PPARA: variants seen among roughly 807,000 people sequenced by gnomAD.
PPARA encodes peroxisome proliferator activated receptor alpha.
A neutral mutation model predicts 42.2 loss-of-function variants in PPARA; 22 were observed. The ratio of observed to expected loss-of-function variants is 0.52; its 90% CI spans 0.37 to 0.74. The LOEUF (loss-of-function observed/expected upper bound fraction) is 0.74. Ranked by LOEUF, PPARA falls within the 30% of genes least tolerant of loss-of-function variation. PPARA has a pLI of 0.00. For missense variants in PPARA, 465 were observed against 608.2 expected, an observed-to-expected ratio of 0.76 and a Z score of 2.48; for synonymous variants, 242 against 239.3, an observed-to-expected ratio of 1.01 and a Z score of -0.10.
rs749486055 is a variant in PPARA at position 46,230,799 on chromosome 22, CTT to C, written c.712-992_712-991del. 1.2e-3 allele frequency among the ~76,000 whole-genome samples: 178 copies of C among 152,286 alleles called. 1 individual carries two copies. The highest frequency in any genetic ancestry group is 2.2e-3 in the Non-Finnish European group (148 of 68,022). On this transcript the variant is annotated intron_variant, in intron 7 of 8. Transcript: ENST00000407236. The surrounding 1 kb of genome is among the most constrained non-coding windows in gnomAD (Gnocchi z 5.0). ...TTTATCCCTAAAGAGTTTCACAACG[CTT>C]GTTTGCCGATTTCTACATAGATGCC...
At position 46,160,064 on chromosome 22, in the gene PPARA, G is replaced by A. The variant is rs533484776; in HGVS notation, c.-127+8094G>A. Reference sequence around the variant, plus strand: ...AGCCTGAAAACCACAGTCTTGAACCGCCAGCGAAGGGCTGGGAAGTGCGGA... The same window carrying A: ...AGCCTGAAAACCACAGTCTTGAACCACCAGCGAAGGGCTGGGAAGTGCGGA... On this transcript the variant is annotated intron_variant, in intron 2 of 8. Coordinates refer to ENST00000407236, the MANE Select transcript of PPARA (RefSeq NM_005036.6). The surrounding 1 kb of genome is among the most constrained non-coding windows in gnomAD (Gnocchi z 4.5). 4.6e-5 allele frequency among the ~76,000 whole-genome samples: 7 copies of A among 152,306 alleles called. No homozygotes were observed. The highest frequency in any genetic ancestry group is 7.2e-5 in the African/African-American group (3 of 41,578).
At position 46,150,896 on chromosome 22, in the gene PPARA, G is replaced by A. The variant is rs964365539; in HGVS notation, c.-210+244G>A. 1 of 152,006 alleles carries A rather than the reference G, an allele frequency of 6.6e-6. No homozygotes were observed. The highest frequency in any genetic ancestry group is 2.4e-5 in the African/African-American group (1 of 41,402). The allele number at this position is 152,006 out of a possible 1,614,324, so 9.4% of individuals were successfully genotyped here. On this transcript the variant is annotated intron_variant, in intron 1 of 8. Transcript: ENST00000407236. This position sits in a 1 kb window ranked among gnomAD's most constrained non-coding sequence, Gnocchi z 7.5. ...CGAGGACTCTTGCGAGGGATCTCGG[G>A]GCCCAGCTCGGCCTCCCTCCTAGCG...
intron 2 of PPARA, among the ~76,000 whole-genome samples, chr22:46,159,411 GT>G (rs1252982475): frequency 2.6e-5 from 4 of 152,028 alleles, no homozygotes; most frequent in African/African-American, 4.8e-5. Flanking sequence ...TACGATTGTC[GT>G]TTTTTTCCCC....
In PPARA at chr22:46,211,813, G is replaced by A. The variant is rs1933961343; in HGVS notation, c.209-3360G>A. On this transcript the variant is annotated intron_variant, in intron 4 of 8. Coordinates refer to ENST00000407236, the MANE Select transcript of PPARA (RefSeq NM_005036.6). The surrounding 1 kb of genome is among the most constrained non-coding windows in gnomAD (Gnocchi z 4.1). ...CCATTCTGCTGCCTCAGCTTCCCGAGTAGCTGGGACTACAGGCACGCACCA... is the reference window on the plus strand; with the variant it reads ...CCATTCTGCTGCCTCAGCTTCCCGAATAGCTGGGACTACAGGCACGCACCA... Among the ~76,000 whole-genome samples the A allele has an allele frequency of 6.6e-6, 1 of 151,766 alleles. No individual in the cohort carries two copies. The highest frequency in any genetic ancestry group is 1.5e-5 in the Non-Finnish European group (1 of 67,982).
At position 46,190,361 on chromosome 22, in the gene PPARA, T is replaced by G. The variant is rs75183251; in HGVS notation, c.-42-7981T>G. Among the ~76,000 whole-genome samples the G allele has an allele frequency of 2.1e-3, 316 of 152,302 alleles. 1 individual carries two copies. Among genetic ancestry groups the G allele is most frequent in the African/African-American group, 7.0e-3 (289 of 41,566 alleles). On this transcript the variant is annotated intron_variant, in intron 3 of 8. Coordinates refer to ENST00000407236, the MANE Select transcript of PPARA (RefSeq NM_005036.6). The surrounding 1 kb of genome is among the most constrained non-coding windows in gnomAD (Gnocchi z 5.6). Reference sequence around the variant, plus strand: ...GGCATTATTAAGCATATTAAGTGGTTACAATACAGTAAATTAGAGGGAGTA... The same window carrying G: ...GGCATTATTAAGCATATTAAGTGGTGACAATACAGTAAATTAGAGGGAGTA...
At chr22:46,214,593 G>A (rs1021859339) in intron 4 of PPARA, among the ~76,000 whole-genome samples, 8 of 150,502 alleles carry the variant, frequency 5.3e-5, no homozygotes, top group Non-Finnish European at 7.4e-5. Context: ...GGAGATGTGC[G>A]GGTCTGGAGA....
At chr22:46,217,701 A>G (rs1934611235) in intron 5 of PPARA, among the ~76,000 whole-genome samples, 1 of 151,826 alleles carries the variant, frequency 6.6e-6, no homozygotes, top group Admixed American at 6.6e-5. Context: ...AGATGAGGGC[A>G]TTTTGAAATG....
intron 2 of PPARA, among the ~76,000 whole-genome samples, chr22:46,174,266 G>GAAGGAAGGAAGGAAGGAAGGAAGA (rs1555935220): frequency 3.1e-5 from 2 of 64,760 alleles, no homozygotes; most frequent in Admixed American, 2.1e-4. Flanking sequence ...AGGAAGGAAG[G>GAAGGAAGGAAGGAAGGAAGGAAGA]AAGGAAGGAA....
chr22:46,218,127 G>T (rs767338103), intron 5 of PPARA, 136 bp from the exon 6 acceptor site: 45 of 1,205,214 alleles, frequency 3.7e-5, no homozygotes, highest in Non-Finnish European at 5.1e-5. Flanking sequence ...ACCATGCCTG[G>T]CCTGGAATAA....
intron 4 of PPARA, among the ~76,000 whole-genome samples, chr22:46,213,069 A>G (rs1419139702): frequency 6.6e-6 from 1 of 152,238 alleles, no homozygotes; most frequent in Non-Finnish European, 1.5e-5. Flanking sequence ...CAGTTGGACA[A>G]ATACCTAAGA....
chr22:46,174,065 C>T (rs1045088871), intron 2 of PPARA, among the ~76,000 whole-genome samples: 5 of 150,400 alleles, frequency 3.3e-5, no homozygotes, highest in African/African-American at 9.9e-5. Context: ...GTAGTCCCAG[C>T]TACTCGGGAG....
rs1294839760 is a variant in PPARA at position 46,215,274 on chromosome 22, A to C, written c.310A>C (p.Ile104Leu). The C allele has an allele frequency of 6.2e-7, 1 of 1,614,158 alleles. No individual in the cohort carries two copies. Among genetic ancestry groups the C allele is most frequent in the Admixed American group, 1.7e-5 (1 of 60,014 alleles). Reference protein sequence around the residue: ...PSGALNIECRICGDKASGYHY... With the variant: ...PSGALNIECRLCGDKASGYHY... ...TGGAGCATTGAACATCGAATGTAGA[A>C]TCTGCGGGGACAAGGCCTCAGGCTA... The change falls in exon 5 of 9, where the codon ATC (isoleucine) becomes CTC (leucine). Residue 104 changes from isoleucine (I) to leucine (L), a missense_variant. Transcript: ENST00000407236.
chr22:46,218,452 TCC>T, intron 6 of PPARA, 51 bp downstream of exon 6: 2 of 1,610,984 alleles, frequency 1.2e-6, no homozygotes, highest in African/African-American at 2.7e-5. Context: ...CAGTTCCCCT[TCC>T]TTGCTCCAAG....
chr22:46,158,704 G>A lies in PPARA; in HGVS notation c.-127+6734G>A, dbSNP rs2238833. Among the ~76,000 whole-genome samples, 26 of 152,308 alleles carry A rather than the reference G, an allele frequency of 1.7e-4. No individual in the cohort carries two copies. The East Asian group carries it at 4.8e-3, about 28-fold the overall frequency. On this transcript the variant is annotated intron_variant, in intron 2 of 8. Coordinates refer to ENST00000407236, the MANE Select transcript of PPARA (RefSeq NM_005036.6). ...AATGGTAATAGGGATATTTAAGTGG[G>A]ATGAATTTTTTGAAGCATTTTCAGG... is the stretch of plus-strand genomic sequence containing the variant.
intron 6 of PPARA, 88 bp downstream of exon 6, chr22:46,218,489 T>C (rs1934700872): frequency 7.6e-6 from 12 of 1,583,854 alleles, no homozygotes; most frequent in Admixed American, 1.7e-5. Context: ...TATGGATGAA[T>C]GTGCTTCAAC....
At chr22:46,154,356 G>A (rs1049275259) in intron 2 of PPARA, among the ~76,000 whole-genome samples, 7 of 152,152 alleles carry the variant, frequency 4.6e-5, no homozygotes, top group African/African-American at 1.7e-4. Context: ...AGTGGCTCAC[G>A]CCTATGGTTT....
intron 4 of PPARA, among the ~76,000 whole-genome samples, chr22:46,205,549 T>A (rs1933193418): frequency 2.7e-5 from 1 of 36,888 alleles, no homozygotes; most frequent in Non-Finnish European, 5.1e-5. Flanking sequence ...TATATATATA[T>A]ATATATTTTT....
chr22:46,234,388 G>A lies in PPARA; in HGVS notation c.1160-745G>A, dbSNP rs1395488159. ...ATGACTGGGTCTGTAAGGGAGCACC[G>A]CCTGCTGAACATGGCTCAGGGCAGT... On this transcript the variant is annotated intron_variant, in intron 8 of 8. Coordinates refer to ENST00000407236, the MANE Select transcript of PPARA (RefSeq NM_005036.6). The surrounding 1 kb of genome is among the most constrained non-coding windows in gnomAD (Gnocchi z 5.8). 2.0e-5 allele frequency among the ~76,000 whole-genome samples: 3 copies of A among 152,110 alleles called. No homozygotes were observed. The highest frequency in any genetic ancestry group is 1.9e-4 in the East Asian group (1 of 5,198).
rs976272771 is a variant in PPARA, at chr22:46,191,850, G to A, written c.-42-6492G>A. On this transcript the variant is annotated intron_variant, in intron 3 of 8. Transcript: ENST00000407236. This position sits in a 1 kb window ranked among gnomAD's most constrained non-coding sequence, Gnocchi z 4.6. ...TGGGAGGCTGAGGCGGGCAGATCAC[G>A]AGGTCAAGAGATCAAGACCATCCTG... Among the ~76,000 whole-genome samples the A allele has an allele frequency of 2.8e-4, 43 of 152,274 alleles. No individual in the cohort carries two copies. Among genetic ancestry groups the A allele is most frequent in the Non-Finnish European group, 2.4e-4 (16 of 68,006 alleles).
Sources: gnomAD v4.1 joint callset for allele counts (sites outside exome capture counted in the v4.1 genomes callset) on GRCh38, gnomAD v4.1.1 for gene constraint, Gnocchi (gnomAD v3.1) non-coding constraint, MANE v1.5 for transcripts, NCBI Gene and HGNC (gene_info 2026-07-23, HGNC 2026-07-21) for gene names.